Variants in UBE2QL1 observed in about 807,000 individuals in gnomAD.
UBE2QL1 encodes ubiquitin conjugating enzyme E2 QL1, also known as ubiquitin-conjugating enzyme E2Q-like protein 1.
In UBE2QL1, 5 loss-of-function variants were observed where a neutral mutation model predicts 12.6. The observed-to-expected ratio is 0.40, with a 90% confidence interval of 0.21 to 0.83. The LOEUF is 0.83. Among genes scored for constraint, UBE2QL1 ranks in the 40% least tolerant of loss-of-function variants. The probability of loss-of-function intolerance (pLI) is 0.37; values close to 1 mark genes in which losing one functional copy is unlikely to be tolerated. For missense variants in UBE2QL1, 99 were observed against 222.6 expected (o/e 0.44, Z 3.53); for synonymous variants, 96 against 94.5 (o/e 1.02, Z -0.10).
intron 1 of UBE2QL1, among the ~76,000 whole-genome samples, chr5:6,480,206 A>C (rs1052132588): frequency 1.3e-5 from 2 of 152,198 alleles, no homozygotes; most frequent in African/African-American, 4.8e-5. Flanking sequence ...CAAAGCCAGG[A>C]ATTCCTGCAC....
chr5:6,491,316 T>C lies in UBE2QL1; in HGVS notation c.453T>C (p.Tyr151=), dbSNP rs1274962836. The change falls in exon 2 of 2, where the codon TAT becomes TAC. Residue 151 remains tyrosine, a synonymous_variant. Coordinates refer to ENST00000399816, the MANE Select transcript of UBE2QL1 (RefSeq NM_001145161.3). ...GTTTGGTGAAGACGCATGAAAAATA[T>C]GGTTGGGTCACCCCGCCCGTGTCCG... The part of the protein sequence containing the change: ...FKSLVKTHEK[Y]GWVTPPVSDG The C allele has an allele frequency of 6.4e-6, 10 of 1,551,244 alleles. No individual in the cohort carries two copies. The highest frequency in any genetic ancestry group is 8.7e-6 in the Non-Finnish European group (10 of 1,146,914).
intron 1 of UBE2QL1, among the ~76,000 whole-genome samples, chr5:6,464,188 A>T (rs558080362): frequency 6.6e-6 from 1 of 152,332 alleles, no homozygotes; most frequent in African/African-American, 2.4e-5. Flanking sequence ...TTGTAAACCA[A>T]GACCTCAGTG....
Position 6,479,220 on chromosome 5 carries a change from T to C in UBE2QL1, c.355-11998T>C, listed in dbSNP as rs1734312111. Among the ~76,000 whole-genome samples, 1 of 150,934 alleles carries C rather than the reference T, an allele frequency of 6.6e-6. No individual in the cohort carries two copies. Among genetic ancestry groups the C allele is most frequent in the Admixed American group, 6.6e-5 (1 of 15,130 alleles). Reference sequence around the variant, plus strand: ...ATTAAGCCACCGAGAATGGGTGGGCTGAGATAGCGATGGGGCCCTGGATTC... The same window carrying C: ...ATTAAGCCACCGAGAATGGGTGGGCCGAGATAGCGATGGGGCCCTGGATTC... On this transcript the variant is annotated intron_variant, in intron 1 of 1. Transcript: ENST00000399816. This position sits in a 1 kb window ranked among gnomAD's most constrained non-coding sequence, Gnocchi z 4.2.
chr5:6,472,655 GAA>G (rs1422755973), intron 1 of UBE2QL1, among the ~76,000 whole-genome samples: 1 of 152,000 alleles, frequency 6.6e-6, no homozygotes, highest in African/African-American at 2.4e-5. Flanking sequence ...TCAATTTTCA[GAA>G]AATTTTTCTT....
chr5:6,463,569 G>A (rs1056639089), intron 1 of UBE2QL1, among the ~76,000 whole-genome samples: 2 of 151,076 alleles, frequency 1.3e-5, no homozygotes, highest in Admixed American at 6.6e-5. Flanking sequence ...AAGTTCTCCC[G>A]AAACCCAGGT....
intron 1 of UBE2QL1, among the ~76,000 whole-genome samples, chr5:6,490,579 G>T (rs1579304660): frequency 6.6e-6 from 1 of 152,184 alleles, no homozygotes; most frequent in East Asian, 1.9e-4. Context: ...TCGAGGATGG[G>T]TCTCTTCTTC....
chr5:6,473,021 C>T (rs751469988), intron 1 of UBE2QL1, among the ~76,000 whole-genome samples: 22 of 152,218 alleles, frequency 1.4e-4, no homozygotes, highest in African/African-American at 3.9e-4. Context: ...TCTTTTCCCA[C>T]GGCTTTCTGC....
At chr5:6,464,660 G>A (rs1439416182) in intron 1 of UBE2QL1, among the ~76,000 whole-genome samples, 5 of 152,240 alleles carry the variant, frequency 3.3e-5, no homozygotes, top group Non-Finnish European at 4.4e-5. Flanking sequence ...CCTGAAAGGG[G>A]CAGCAGGGAG....
At position 6,481,608 on chromosome 5, in the gene UBE2QL1, A is replaced by G. The variant is rs541497178; in HGVS notation, c.355-9610A>G. Among the ~76,000 whole-genome samples the G allele has an allele frequency of 6.6e-6, 1 of 152,338 alleles. No homozygotes were observed. Among genetic ancestry groups the G allele is most frequent in the South Asian group, 2.1e-4 (1 of 4,828 alleles). ...CCAGCCAACCCAAACAGAACTCAGT[A>G]TCTTATCCTAGAAACCTGTTCCTCC... On this transcript the variant is annotated intron_variant, in intron 1 of 1. Transcript: ENST00000399816. The surrounding 1 kb of genome is among the most constrained non-coding windows in gnomAD (Gnocchi z 4.5).
Position 6,478,775 on chromosome 5 carries a change from A to T in UBE2QL1, c.355-12443A>T, listed in dbSNP as rs557266333. 1.1e-3 allele frequency among the ~76,000 whole-genome samples: 161 copies of T among 152,250 alleles called. 1 individual carries two copies. The highest frequency in any genetic ancestry group is 3.4e-3 in the African/African-American group (142 of 41,560). ...ATCAAAGCCACAGCAGACCACAGGC[A>T]AGGGCTTAGGGCTGCAGGTGGATGA... is the stretch of plus-strand genomic sequence containing the variant. On this transcript the variant is annotated intron_variant, in intron 1 of 1. Transcript: ENST00000399816. This position sits in a 1 kb window ranked among gnomAD's most constrained non-coding sequence, Gnocchi z 4.5.
intron 1 of UBE2QL1, among the ~76,000 whole-genome samples, chr5:6,468,470 A>T (rs867768393): frequency 1.3e-5 from 2 of 152,206 alleles, no homozygotes; most frequent in African/African-American, 4.8e-5. Flanking sequence ...GACAACAGAC[A>T]CGGGCTGACT....
rs930886417 is a variant in UBE2QL1, at chr5:6,471,436, C to G, written c.355-19782C>G. Reference sequence around the variant, plus strand: ...TGGGGAGGATTGGTTCCCATGAGCACTCATGTGCTGGCAGCAGGATGCAGT... The same window carrying G: ...TGGGGAGGATTGGTTCCCATGAGCAGTCATGTGCTGGCAGCAGGATGCAGT... On this transcript the variant is annotated intron_variant, in intron 1 of 1. Transcript: ENST00000399816. Among the ~76,000 whole-genome samples, 15 of 152,194 alleles carry G rather than the reference C, an allele frequency of 9.9e-5. 1 individual carries two copies. Among genetic ancestry groups the G allele is most frequent in the Admixed American group, 8.5e-4 (13 of 15,278 alleles).
rs534371646 is a variant in UBE2QL1 at position 6,492,900 on chromosome 5, G to C, written c.*1551G>C. The C allele has an allele frequency of 1.4e-4, 22 of 152,392 alleles. No homozygotes were observed. The highest frequency in any genetic ancestry group is 1.0e-3 in the Admixed American group (16 of 15,308). The allele number at this position is 152,392 out of a possible 1,614,324, so 9.4% of individuals were successfully genotyped here. On this transcript the variant is annotated 3_prime_UTR_variant, in exon 2 of 2. Transcript: ENST00000399816. ...GATAATGTATTCAATTCTTCAGGCAGTTTTGTCTACTTGGGGACCTGCCCA... is the reference window on the plus strand; with the variant it reads ...GATAATGTATTCAATTCTTCAGGCACTTTTGTCTACTTGGGGACCTGCCCA...
At chr5:6,451,679 A>G (rs1431948069) in intron 1 of UBE2QL1, among the ~76,000 whole-genome samples, 1 of 152,222 alleles carries the variant, frequency 6.6e-6, no homozygotes, top group Non-Finnish European at 1.5e-5. Context: ...AATGTGTGGC[A>G]TACATAAAAT....
Position 6,495,368 on chromosome 5 carries a change from T to A in UBE2QL1, c.*4019T>A, listed in dbSNP as rs1734648500. ...TTCTAAAGGGGCAGAGCTTACTTCC[T>A]GACTGTAGTGAGGGTAGAGCCACTG... On this transcript the variant is annotated 3_prime_UTR_variant, in exon 2 of 2. Transcript: ENST00000399816. Among the ~76,000 whole-genome samples the A allele has an allele frequency of 3.3e-5, 5 of 152,208 alleles. No homozygotes were observed.
rs1411130298 is a variant in UBE2QL1 at position 6,458,355 on chromosome 5, G to A, written c.354+9108G>A. ...CCTCAGCTCACTTGGAAATTGAAGG[G>A]AAAATTTCCAGAAAAATATTTGAAG... On this transcript the variant is annotated intron_variant, in intron 1 of 1. Coordinates refer to ENST00000399816, the MANE Select transcript of UBE2QL1 (RefSeq NM_001145161.3). Among the ~76,000 whole-genome samples, 2 of 152,130 alleles carry A rather than the reference G, an allele frequency of 1.3e-5. 1 individual carries two copies. Among genetic ancestry groups the A allele is most frequent in the Middle Eastern group, 6.3e-3 (2 of 316 alleles).
intron 1 of UBE2QL1, among the ~76,000 whole-genome samples, chr5:6,464,941 C>T (rs1000848830): frequency 2.6e-5 from 4 of 152,100 alleles, no homozygotes; most frequent in Admixed American, 6.5e-5. Flanking sequence ...GAGGCACTGT[C>T]GCCAGGCTCA....
chr5:6,485,883 T>C (rs1734458975), intron 1 of UBE2QL1, among the ~76,000 whole-genome samples: 1 of 152,198 alleles, frequency 6.6e-6, no homozygotes, highest in Non-Finnish European at 1.5e-5. Context: ...TTCAAAAGGC[T>C]AAGAAATTAG....
At chr5:6,460,750 G>A (rs1739635518) in intron 1 of UBE2QL1, among the ~76,000 whole-genome samples, 1 of 152,196 alleles carries the variant, frequency 6.6e-6, no homozygotes, top group African/African-American at 2.4e-5. Context: ...CGTTCAGTTA[G>A]AAAATTATGT....
Sources: gnomAD v4.1 joint callset for allele counts (sites outside exome capture counted in the v4.1 genomes callset) on GRCh38, gnomAD v4.1.1 for gene constraint, Gnocchi (gnomAD v3.1) non-coding constraint, MANE v1.5 for transcripts, NCBI Gene and HGNC (gene_info 2026-07-23, HGNC 2026-07-21) for gene names.